The following WWOX variants were observed in gnomAD, a reference collection of about 807,000 sequenced individuals.
The protein encoded by WWOX is WW domain containing oxidoreductase.
WWOX carries 69 observed loss-of-function variants against 46.2 expected under a neutral mutation model. That is an observed-to-expected ratio of 1.49 (90% CI 1.23 to 1.82). WWOX has a LOEUF of 1.82. WWOX is among the 40% of genes most tolerant of loss of function. The pLI, the probability that WWOX is intolerant of heterozygous loss-of-function variation, is 0.00. For missense variants in WWOX, 919 were observed against 542.6 expected, an observed-to-expected ratio of 1.69 and a Z score of -6.89; for synonymous variants, 359 against 202.6, an observed-to-expected ratio of 1.77 and a Z score of -6.56.
intron 8 of WWOX, among the ~76,000 whole-genome samples, chr16:78,944,827 C>T (rs1434986039): frequency 6.6e-6 from 1 of 152,152 alleles, no homozygotes; most frequent in Non-Finnish European, 1.5e-5. Context: ...TCCCACATAG[C>T]TGCTTCCCTG....
At chr16:79,110,485 C>A (rs73576940) in intron 8 of WWOX, among the ~76,000 whole-genome samples, 9,332 of 152,166 alleles carry the variant, frequency 0.061, 423 homozygotes, top group South Asian at 0.074. Context: ...ACATGCTGTT[C>A]TCTCTGCTAG....
intron 8 of WWOX, among the ~76,000 whole-genome samples, chr16:78,938,970 G>A (rs1260797830): frequency 1.3e-5 from 2 of 152,154 alleles, no homozygotes; most frequent in South Asian, 4.1e-4. Flanking sequence ...AATATGAAGT[G>A]TAATGACATG....
chr16:79,033,875 G>T (rs2047814641), intron 8 of WWOX, among the ~76,000 whole-genome samples: 1 of 152,224 alleles, frequency 6.6e-6, no homozygotes, highest in South Asian at 2.1e-4. Context: ...CATCATGGGA[G>T]TTAGGACTGT....
At chr16:78,748,753 A>G (rs569512439) in intron 8 of WWOX, among the ~76,000 whole-genome samples, 1 of 152,322 alleles carries the variant, frequency 6.6e-6, no homozygotes, top group African/African-American at 2.4e-5. Context: ...GCACACTCGG[A>G]TTACACTGCT....
chr16:78,194,359 G>C, intron 5 of WWOX, among the ~76,000 whole-genome samples: 1 of 151,546 alleles, frequency 6.6e-6, no homozygotes, highest in East Asian at 2.0e-4. Context: ...AGGCCGAGGC[G>C]GGTGGATCAC....
At chr16:79,084,767 G>A (rs2048823722) in intron 8 of WWOX, among the ~76,000 whole-genome samples, 1 of 151,844 alleles carries the variant, frequency 6.6e-6, no homozygotes, top group Admixed American at 6.6e-5. Context: ...CTCCTTGTTA[G>A]GGTTTGCTGC....
chr16:78,835,362 C>G (rs2051949626), intron 8 of WWOX, among the ~76,000 whole-genome samples: 1 of 152,196 alleles, frequency 6.6e-6, no homozygotes, highest in African/African-American at 2.4e-5. Context: ...TTTAAATCCA[C>G]ACGTTGATAA....
In WWOX at chr16:78,565,665, G is replaced by A. The variant is rs149916678; in HGVS notation, c.1056+132913G>A. Among the ~76,000 whole-genome samples the A allele has an allele frequency of 6.9e-3, 1,052 of 152,304 alleles. 2 individuals carry two copies. Among genetic ancestry groups the A allele is most frequent in the Middle Eastern group, 0.024 (7 of 294 alleles). ...AGAGTCACAAATTTGGGGAATTAGT[G>A]TGTAGACTTCTCTTGTAGGGAGTCA... On this transcript the variant is annotated intron_variant, in intron 8 of 8. Coordinates refer to ENST00000566780, the MANE Select transcript of WWOX (RefSeq NM_016373.4).
chr16:78,470,680 A>C (rs1304711902), intron 8 of WWOX, among the ~76,000 whole-genome samples: 1 of 152,044 alleles, frequency 6.6e-6, no homozygotes. Context: ...CAGGCACGCC[A>C]CCACACCTGG....
chr16:78,587,375 A>G (rs956003726), intron 8 of WWOX, among the ~76,000 whole-genome samples: 3 of 152,032 alleles, frequency 2.0e-5, no homozygotes, highest in Non-Finnish European at 4.4e-5. Flanking sequence ...TTTCAGAGAA[A>G]GCAACCAAAG....
chr16:78,522,317 C>T (rs2043366249), intron 8 of WWOX, among the ~76,000 whole-genome samples: 2 of 151,978 alleles, frequency 1.3e-5, no homozygotes, highest in African/African-American at 2.4e-5. Flanking sequence ...TAATTGAAGG[C>T]TTGCGGAACA....
At chr16:78,241,286 G>GTA (rs1555507852) in intron 5 of WWOX, 2 of 151,004 alleles carry the variant, frequency 1.3e-5, no homozygotes, top group African/African-American at 4.9e-5. Flanking sequence ...TATCATTTGT[G>GTA]TTTTTTTTTC....
In WWOX at chr16:78,109,788, C is replaced by A. The variant is rs759766243; in HGVS notation, c.183C>A (p.Tyr61Ter). 4.3e-6 allele frequency: 7 copies of A among 1,614,028 alleles called. No individual in the cohort carries two copies. Among genetic ancestry groups the A allele is most frequent in the Non-Finnish European group, 5.9e-6 (7 of 1,180,010 alleles). ...TTTCTTGTGTTTCAGATTTGCCATA[C>A]GGATGGGAACAAGAAACTGATGAGA... ...KRKRVAGDLPYGWEQETDENG... is the reference protein window; with the variant it reads ...KRKRVAGDLP The change falls in exon 3 of 9, where the codon TAC becomes TAA. Residue 61 changes from tyrosine to a stop codon, truncating the protein, a stop_gained. Transcript: ENST00000566780. LOFTEE classifies it high-confidence loss of function.
intron 8 of WWOX, among the ~76,000 whole-genome samples, chr16:78,936,117 G>T (rs904539669): frequency 6.6e-6 from 1 of 152,094 alleles, no homozygotes; most frequent in Non-Finnish European, 1.5e-5. Flanking sequence ...AGGAGGTAAT[G>T]ATGAGTTTTG....
chr16:79,069,823 A>T (rs1308191994), intron 8 of WWOX, among the ~76,000 whole-genome samples: 1 of 151,890 alleles, frequency 6.6e-6, no homozygotes, highest in African/African-American at 2.4e-5. Flanking sequence ...AACTGGTGTT[A>T]GTTAGTCTCA....
chr16:78,716,161 A>G (rs973491616), intron 8 of WWOX, among the ~76,000 whole-genome samples: 52 of 152,258 alleles, frequency 3.4e-4, no homozygotes, highest in African/African-American at 1.2e-3. Context: ...GCACAGAGAC[A>G]GAGGCAGAGA....
intron 8 of WWOX, among the ~76,000 whole-genome samples, chr16:78,735,053 G>T (rs1340877401): frequency 1.3e-5 from 2 of 150,990 alleles, no homozygotes; most frequent in African/African-American, 4.9e-5. Context: ...TGTTAGTAGA[G>T]ACAGGGTTTC....
At chr16:78,467,901 T>C (rs906753875) in intron 8 of WWOX, among the ~76,000 whole-genome samples, 2 of 152,234 alleles carry the variant, frequency 1.3e-5, no homozygotes, top group South Asian at 4.1e-4. Flanking sequence ...TCAGTGATAC[T>C]GATCAGCCTG....
intron 8 of WWOX, among the ~76,000 whole-genome samples, chr16:78,744,422 CTTTTTTTTTTTTTT>C (rs976073233): frequency 6.1e-5 from 5 of 82,256 alleles, no homozygotes; most frequent in African/African-American, 1.2e-4. Context: ...GTCCACACTG[CTTTTTTTTTTTTTT>C]TTTTTTTTTT....
Sources: allele counts gnomAD v4.1 joint callset (sites outside exome capture counted in the v4.1 genomes callset), GRCh38; gene constraint gnomAD v4.1.1; transcripts MANE v1.5; gene names NCBI Gene and HGNC (gene_info 2026-07-23, HGNC 2026-07-21).